The following KANSL1L variants were observed in gnomAD, a reference collection of about 807,000 sequenced individuals.
KANSL1L encodes the protein KAT8 regulatory NSL complex subunit 1 like.
In KANSL1L, 25 loss-of-function variants were observed where a neutral mutation model predicts 108.6. That is an observed-to-expected ratio of 0.23 (90% CI 0.17 to 0.32). The LOEUF (loss-of-function observed/expected upper bound fraction) is 0.32. Among genes scored for constraint, KANSL1L ranks in the 10% least tolerant of loss-of-function variants. The pLI is 1.00. For missense variants in KANSL1L, 1,137 were observed against 1,125.7 expected, an observed-to-expected ratio of 1.01 and a Z score of -0.14; for synonymous variants, 405 against 395.1, an observed-to-expected ratio of 1.03 and a Z score of -0.30.
intron 6 of KANSL1L, among the ~76,000 whole-genome samples, chr2:210,054,133 G>A (rs796256018): frequency 1.3e-4 from 20 of 151,920 alleles, no homozygotes; most frequent in African/African-American, 4.1e-4. Context: ...TGGCTAACAC[G>A]GTGAAACCCC....
chr2:210,050,948 T>G (rs1008633042), intron 6 of KANSL1L, among the ~76,000 whole-genome samples: 1 of 152,106 alleles, frequency 6.6e-6, no homozygotes, highest in African/African-American at 2.4e-5. Context: ...TTTCCCCATG[T>G]TTCCCAGGCT....
chr2:210,084,810 C>T (rs1388583942), intron 5 of KANSL1L, among the ~76,000 whole-genome samples: 3 of 152,106 alleles, frequency 2.0e-5, no homozygotes, highest in Admixed American at 1.3e-4. Flanking sequence ...TGGGGTTTCA[C>T]CATGTTGGCC....
chr2:210,118,244 G>A (rs558106796), intron 3 of KANSL1L, among the ~76,000 whole-genome samples: 63 of 149,950 alleles, frequency 4.2e-4, no homozygotes, highest in Admixed American at 1.5e-3. Context: ...CGAGGCGGGT[G>A]GATCACTTGA....
At chr2:210,088,170 G>T (rs1575506107) in intron 5 of KANSL1L, 1 of 152,106 alleles carries the variant, frequency 6.6e-6, no homozygotes, top group East Asian at 1.9e-4. Flanking sequence ...ATGTTATCAT[G>T]GTGGTGAACC....
Position 210,022,873 on chromosome 2 carries a change from G to C in KANSL1L, c.*76C>G. 1.1e-6 allele frequency: 1 copy of C among 949,132 alleles called. No individual in the cohort carries two copies. Among genetic ancestry groups the C allele is most frequent in the South Asian group, 1.4e-5 (1 of 70,056 alleles). 58.8% of individuals were successfully genotyped at this position (949,132 alleles called of 1,614,324 possible). A position where few individuals can be genotyped will look rare whatever the true frequency, so the allele number is the denominator to read the frequency against. On this transcript the variant is annotated 3_prime_UTR_variant, in exon 15 of 15. Coordinates refer to ENST00000281772, the MANE Select transcript of KANSL1L (RefSeq NM_152519.4). Reference sequence around the variant, plus strand: ...CAGAACATGCTCTTATTCTGGAGGGGATGGGGGATCCAGAACAGGGCTTTA... The same window carrying C: ...CAGAACATGCTCTTATTCTGGAGGGCATGGGGGATCCAGAACAGGGCTTTA...
chr2:210,093,875 T>A (rs1352931254), intron 5 of KANSL1L, among the ~76,000 whole-genome samples: 3 of 152,136 alleles, frequency 2.0e-5, no homozygotes, highest in Non-Finnish European at 4.4e-5. Flanking sequence ...AAATAGAATA[T>A]TATTCAGCCT....
intron 6 of KANSL1L, chr2:210,064,270 G>A (rs779836299): frequency 6.6e-6 from 1 of 152,142 alleles, no homozygotes. Context: ...GTCTTTATCA[G>A]CAGCATGAAT....
intron 6 of KANSL1L, among the ~76,000 whole-genome samples, chr2:210,074,792 G>T (rs547657701): frequency 6.6e-6 from 1 of 152,070 alleles, no homozygotes; most frequent in Non-Finnish European, 1.5e-5. Flanking sequence ...AATAGATAAC[G>T]TAATGATAAT....
At chr2:210,111,220 C>A (rs2094901631) in intron 3 of KANSL1L, among the ~76,000 whole-genome samples, 1 of 150,384 alleles carries the variant, frequency 6.6e-6, no homozygotes, top group African/African-American at 2.4e-5. Context: ...TCATAATAGC[C>A]AAAAACTAAA....
At chr2:210,167,342 T>C (rs927368141) in intron 1 of KANSL1L, among the ~76,000 whole-genome samples, 4 of 152,152 alleles carry the variant, frequency 2.6e-5, no homozygotes, top group South Asian at 2.1e-4. Context: ...TTGAAAACTA[T>C]GCCTAAAAAG....
At chr2:210,139,975 TC>T (rs1436441194) in intron 2 of KANSL1L, among the ~76,000 whole-genome samples, 1 of 151,558 alleles carries the variant, frequency 6.6e-6, no homozygotes, top group Non-Finnish European at 1.5e-5. Flanking sequence ...ATTCCTGAGC[TC>T]AAGCGATCCA....
At chr2:210,027,218 T>C in intron 12 of KANSL1L, 78 bp downstream of exon 12, 1 of 929,442 alleles carries the variant, frequency 1.1e-6, no homozygotes, top group South Asian at 1.3e-5. Flanking sequence ...TATATTCCTT[T>C]AGTTCCCTGA....
At position 210,122,625 on chromosome 2, in the gene KANSL1L, T is replaced by C. The variant is rs538065888; in HGVS notation, c.1230+6406A>G. ...CCAGGACATTGGACTGGGCAAAGAT[T>C]TCTTAAGTAATACCCCACAAGCACA... is the stretch of plus-strand genomic sequence containing the variant. On this transcript the variant is annotated intron_variant, in intron 3 of 14. Coordinates refer to ENST00000281772, the MANE Select transcript of KANSL1L (RefSeq NM_152519.4). 2.6e-5 allele frequency among the ~76,000 whole-genome samples: 4 copies of C among 152,252 alleles called. No individual in the cohort carries two copies. The South Asian group carries it at 8.3e-4, about 32-fold the overall frequency.
rs2093869455 is a variant in KANSL1L, at chr2:210,022,191, CAGAA to C, written c.*754_*757del. On this transcript the variant is annotated 3_prime_UTR_variant, in exon 15 of 15. Transcript: ENST00000281772. ...CTTGCTTTATTTTGTTAGGAGTAAA[CAGAA>C]AGTAGCCTGTGTTTAGTCCCAAAGA... The C allele has an allele frequency of 6.6e-6, 1 of 151,776 alleles. No homozygotes were observed. Among genetic ancestry groups the C allele is most frequent in the African/African-American group, 2.4e-5 (1 of 41,324 alleles). The allele number at this position is 151,776 out of a possible 1,614,324, so 9.4% of individuals were successfully genotyped here. A position where few individuals can be genotyped will look rare whatever the true frequency, so the allele number is the denominator to read the frequency against.
chr2:210,163,552 A>G (rs936714555), intron 1 of KANSL1L, among the ~76,000 whole-genome samples: 3 of 152,192 alleles, frequency 2.0e-5, no homozygotes, highest in South Asian at 2.1e-4. Flanking sequence ...TAACATATGC[A>G]TAATGGGAAT....
chr2:210,131,569 CAA>C (rs2095120401), intron 2 of KANSL1L, among the ~76,000 whole-genome samples: 1 of 151,944 alleles, frequency 6.6e-6, no homozygotes, highest in Non-Finnish European at 1.5e-5. Flanking sequence ...TTCTGATACT[CAA>C]GTTAGGATTA....
chr2:210,037,046 G>A (rs988413064), intron 8 of KANSL1L, among the ~76,000 whole-genome samples: 18 of 152,044 alleles, frequency 1.2e-4, no homozygotes, highest in Admixed American at 6.5e-4. Context: ...GTGGGCCACC[G>A]CACCTGACCT....
intron 8 of KANSL1L, chr2:210,035,323 T>C (rs2094086502): frequency 6.6e-6 from 1 of 152,192 alleles, no homozygotes; most frequent in Non-Finnish European, 1.5e-5. Flanking sequence ...TTCAACCCAC[T>C]ACAGTTTGGC....
chr2:210,058,947 G>C (rs1318651931), intron 6 of KANSL1L, among the ~76,000 whole-genome samples: 2 of 150,644 alleles, frequency 1.3e-5, no homozygotes, highest in African/African-American at 2.4e-5. Flanking sequence ...TCTCTCTTTT[G>C]TACTCTTTCC....
Sources: allele counts gnomAD v4.1 joint callset (sites outside exome capture counted in the v4.1 genomes callset), GRCh38; gene constraint gnomAD v4.1.1; transcripts MANE v1.5; gene names NCBI Gene and HGNC (gene_info 2026-07-23, HGNC 2026-07-21).